Variants in MUC5B observed in about 807,000 individuals in gnomAD.
The protein encoded by MUC5B is mucin-5B.
Under a neutral mutation model 376.9 loss-of-function variants are expected in MUC5B, and 116 were observed. The observed-to-expected ratio is 0.31, with a 90% confidence interval of 0.26 to 0.36. MUC5B has a LOEUF of 0.36. Among genes scored for constraint, MUC5B ranks in the 10% least tolerant of loss-of-function variants. The pLI is 1.00. For synonymous variants in MUC5B, 3,517 were observed against 3,390.9 expected (o/e 1.04, Z -1.29); for missense variants, 7,165 against 7,769.9 (o/e 0.92, Z 2.93).
Position 1,243,665 on chromosome 11 carries a change from C to T in MUC5B, c.6785C>T (p.Thr2262Ile). 6.2e-7 allele frequency: 1 copy of T among 1,611,450 alleles called. No individual in the cohort carries two copies. The change falls in exon 31 of 49, where the codon ACC becomes ATC. Residue 2262 changes from threonine to isoleucine, a missense_variant. Coordinates refer to ENST00000529681, the MANE Select transcript of MUC5B (RefSeq NM_002458.3). ...AGCCCTCACCCTAGCAGCAGAACCA[C>T]CGAGTCACCCCCTTCTCCAGGGACG... ...LSSPHPSSRTTESPPSPGTTT... is the reference protein window; with the variant it reads ...LSSPHPSSRTIESPPSPGTTT...
intron 15 of MUC5B, 71 bp downstream of exon 15, chr11:1,232,231 C>A: frequency 9.5e-6 from 14 of 1,480,606 alleles, no homozygotes; most frequent in Non-Finnish European, 1.3e-5. Flanking sequence ...GTCCCCTGGG[C>A]CACGGGGACC....
chr11:1,229,070 G>A, intron 8 of MUC5B, 100 bp from the exon 9 acceptor site: 9 of 1,361,482 alleles, frequency 6.6e-6, no homozygotes, highest in Non-Finnish European at 7.8e-6. Context: ...GGCTTCTGTG[G>A]ACTTGATGGC....
At position 1,251,045 on chromosome 11, in the gene MUC5B, A is replaced by T. The variant is rs768491980; in HGVS notation, c.14165A>T (p.Lys4722Ile). The T allele has an allele frequency of 2.4e-5, 38 of 1,609,702 alleles. 2 individuals carry two copies. The highest frequency in any genetic ancestry group is 2.8e-5 in the Non-Finnish European group (33 of 1,177,738). The change falls in exon 31 of 49, where the codon AAA becomes ATA. Residue 4722 changes from lysine to isoleucine, a missense_variant. Lys to Ile is a moderately radical substitution (Grantham distance 102). Transcript: ENST00000529681. ...ACCACACCCGCAGCCACCAGCTCCA[A>T]AGCCACTTCCTCCTCCAGTCCAAGG... ...TATTPAATSS[K>I]ATSSSSPRTA...
chr11:1,236,658 TG>T, intron 24 of MUC5B, 96 bp downstream of exon 24: 3 of 1,327,840 alleles, frequency 2.3e-6, no homozygotes, highest in Non-Finnish European at 3.1e-6. Flanking sequence ...CGCTGACCCG[TG>T]GGTGCGTGAG....
Position 1,258,227 on chromosome 11 carries a change from C to T in MUC5B, c.16555+24C>T, listed in dbSNP as rs1862896314. 3 of 1,572,658 alleles carry T rather than the reference C, an allele frequency of 1.9e-6. No homozygotes were observed. Among genetic ancestry groups the T allele is most frequent in the East Asian group, 2.3e-5 (1 of 42,814 alleles). Reference sequence around the variant, plus strand: ...CAGTGAGCGGGGCTGGGGCCGGGCTCCTGGGTGGCCTCTTGCTGGGGGTGG... The same window carrying T: ...CAGTGAGCGGGGCTGGGGCCGGGCTTCTGGGTGGCCTCTTGCTGGGGGTGG... On this transcript the variant is annotated intron_variant, in intron 42 of 48. Transcript: ENST00000529681. The surrounding 1 kb of genome is among the most constrained non-coding windows in gnomAD (Gnocchi z 5.5).
Position 1,225,748 on chromosome 11 carries a change from A to T in MUC5B, c.127+11A>T. On this transcript the variant is annotated intron_variant, in intron 2 of 48. Transcript: ENST00000529681. ...ACACCATGGATGGCGGTATGTGGCC[A>T]GGTTCGGGGGTGGGGGGTTCCTGAC... 6.3e-7 allele frequency: 1 copy of T among 1,599,850 alleles called. No homozygotes were observed. Among genetic ancestry groups the T allele is most frequent in the Non-Finnish European group, 8.5e-7 (1 of 1,173,214 alleles).
rs754802713 is a variant in MUC5B at position 1,242,066 on chromosome 11, C to G, written c.5186C>G (p.Pro1729Arg). ...PTTMATSRAR[P>R]TGTASTASKE... ...ACAATGGCAACCTCCAGAGCTCGCC[C>G]GACAGGCACAGCCAGCACCGCTTCC... The change falls in exon 31 of 49, where the codon CCG (proline) becomes CGG (arginine). Residue 1729 changes from proline to arginine, a missense_variant. Physicochemically the swap from Pro to Arg is moderately radical, Grantham distance 103 (BLOSUM62 -2). Coordinates refer to ENST00000529681, the MANE Select transcript of MUC5B (RefSeq NM_002458.3). The G allele has an allele frequency of 1.9e-6, 3 of 1,604,214 alleles. No individual in the cohort carries two copies. Among genetic ancestry groups the G allele is most frequent in the East Asian group, 4.5e-5 (2 of 44,300 alleles).
intron 14 of MUC5B, 139 bp downstream of exon 14, chr11:1,231,699 G>T: frequency 8.5e-7 from 1 of 1,171,508 alleles, no homozygotes; most frequent in Non-Finnish European, 1.2e-6. Context: ...GGAGATCCTG[G>T]TGCCAGCGCA....
intron 1 of MUC5B, among the ~76,000 whole-genome samples, chr11:1,225,138 GC>G (rs1237150865): frequency 6.6e-6 from 1 of 152,218 alleles, no homozygotes; most frequent in African/African-American, 2.4e-5. Flanking sequence ...CCCCCAGCCT[GC>G]CCCACTCGCC....
chr11:1,226,980 G>GGGGGGGCC, intron 4 of MUC5B, 51 bp from the exon 5 acceptor site: 2 of 796,858 alleles, frequency 2.5e-6, no homozygotes, highest in Non-Finnish European at 4.1e-6. Flanking sequence ...GGTTGGGTGG[G>GGGGGGGCC]CAGGCAGCCA....
intron 32 of MUC5B, 56 bp downstream of exon 32, chr11:1,252,580 T>C (rs1862734714): frequency 2.1e-6 from 3 of 1,456,964 alleles, no homozygotes; most frequent in Non-Finnish European, 2.7e-6. Flanking sequence ...CTGGGTTGGC[T>C]GGAGGCACAG....
In MUC5B at chr11:1,253,079, G is replaced by A; in HGVS notation, c.15217+99G>A. The A allele has an allele frequency of 1.4e-6, 2 of 1,379,554 alleles. No homozygotes were observed. The highest frequency in any genetic ancestry group is 1.0e-6 in the Non-Finnish European group (1 of 1,002,746). 85.5% of individuals were successfully genotyped at this position (1,379,554 alleles called of 1,614,324 possible). The stretch of plus-strand genomic sequence containing the variant: ...AATGGGGCATGGTGGGGCACAGTGG[G>A]GTGCAGTGGGGAATGGTGGGGCATG... On this transcript the variant is annotated intron_variant, in intron 33 of 48. Transcript: ENST00000529681. The surrounding 1 kb of genome is among the most constrained non-coding windows in gnomAD (Gnocchi z 4.3).
At chr11:1,235,630 A>T (rs1590173054) in intron 23 of MUC5B, 1 of 587,448 alleles carries the variant, frequency 1.7e-6, no homozygotes, top group Middle Eastern at 3.7e-4. Context: ...GCAGGGCCAC[A>T]CTCCCTGTCG....
Position 1,226,888 on chromosome 11 carries a change from A to G in MUC5B, c.461+12A>G. ...ATCAATGGGCAGCGGTGAGCCGGCC[A>G]CCCTGGGGAGGGGCGAGGGCCGGGC... On this transcript the variant is annotated intron_variant, in intron 4 of 48. Transcript: ENST00000529681. The G allele has an allele frequency of 7.1e-7, 1 of 1,411,038 alleles. No homozygotes were observed. Among genetic ancestry groups the G allele is most frequent in the African/African-American group, 1.5e-5 (1 of 65,626 alleles). 87.4% of individuals were successfully genotyped at this position (1,411,038 alleles called of 1,614,324 possible). A position where few individuals can be genotyped will look rare whatever the true frequency, so the allele number is the denominator to read the frequency against.
rs763923862 is a variant in MUC5B at position 1,245,919 on chromosome 11, C to T, written c.9039C>T (p.Ser3013=). The change falls in exon 31 of 49, where the codon TCC becomes TCT. Residue 3013 remains serine (S), a synonymous_variant. Coordinates refer to ENST00000529681, the MANE Select transcript of MUC5B (RefSeq NM_002458.3). ...TATTGSTAIP[S]STPGTAPPPK... is the part of the protein sequence containing the mutation. ...CCACTGGATCCACGGCCATCCCGTC[C>T]TCCACCCCGGGAACAGCTCCCCCTC... 5 of 1,613,182 alleles carry T rather than the reference C, an allele frequency of 3.1e-6. No homozygotes were observed. The highest frequency in any genetic ancestry group is 4.5e-5 in the East Asian group (2 of 44,832).
chr11:1,226,548 C>G, intron 3 of MUC5B, 67 bp from the exon 4 acceptor site: 3 of 1,533,172 alleles, frequency 2.0e-6, no homozygotes, highest in Non-Finnish European at 2.6e-6. Flanking sequence ...CAGGGTGCCT[C>G]GGCCCAGGGG....
At chr11:1,239,223 G>A in intron 26 of MUC5B, 196 bp downstream of exon 26, 1 of 899,434 alleles carries the variant, frequency 1.1e-6, no homozygotes, top group Non-Finnish European at 1.7e-6. Context: ...GGTTGCCCCA[G>A]CATGAGACAG....
rs1468182953 is a variant in MUC5B at position 1,234,708 on chromosome 11, A to C, written c.2630+28A>C. The stretch of plus-strand genomic sequence containing the variant: ...GGGTCGTGAGTCTCTCGGAGGCAGC[A>C]GGTGGGGAGGGCGGGGGCGGGGAGG... On this transcript the variant is annotated intron_variant, in intron 21 of 48. Coordinates refer to ENST00000529681, the MANE Select transcript of MUC5B (RefSeq NM_002458.3). The surrounding 1 kb of genome is among the most constrained non-coding windows in gnomAD (Gnocchi z 6.3). The C allele has an allele frequency of 7.3e-5, 25 of 341,350 alleles. No homozygotes were observed. In the East Asian group the frequency reaches 4.7e-3, roughly 64 times the overall value. The allele number at this position is 341,350 out of a possible 1,614,324, so 21.1% of individuals were successfully genotyped here.
intron 26 of MUC5B, 155 bp downstream of exon 26, chr11:1,239,182 C>G: frequency 9.7e-7 from 1 of 1,032,882 alleles, no homozygotes; most frequent in Non-Finnish European, 1.4e-6. Context: ...TTTCTATGCA[C>G]AGAGGAAGAC....
Sources: allele counts gnomAD v4.1 joint callset (sites outside exome capture counted in the v4.1 genomes callset), GRCh38; gene constraint gnomAD v4.1.1; non-coding constraint Gnocchi (gnomAD v3.1); transcripts MANE v1.5; gene names NCBI Gene and HGNC (gene_info 2026-07-23, HGNC 2026-07-21).